GOLGA1: variants seen among roughly 807,000 people sequenced by gnomAD.
GOLGA1 encodes golgin A1, also known as golgin subfamily A member 1.
In GOLGA1, 63 loss-of-function variants were observed where a neutral mutation model predicts 119.7. The ratio of observed to expected loss-of-function variants is 0.53; its 90% CI spans 0.43 to 0.65. GOLGA1 has a LOEUF of 0.65. Among genes scored for constraint, GOLGA1 ranks in the 30% least tolerant of loss-of-function variants. The pLI is 0.00. For missense variants in GOLGA1, 798 were observed against 912.8 expected (o/e 0.87, Z 1.62); for synonymous variants, 318 against 333.4 (o/e 0.95, Z 0.50).
intron 19 of GOLGA1, among the ~76,000 whole-genome samples, chr9:124,887,779 C>A (rs974432784): frequency 6.6e-6 from 1 of 151,976 alleles, no homozygotes. Context: ...AGGGTGGGGA[C>A]CATGACATTT....
At chr9:124,895,882 ACAACAGAGACCCACCC>A (rs1314476835) in intron 15 of GOLGA1, among the ~76,000 whole-genome samples, 1 of 148,842 alleles carries the variant, frequency 6.7e-6, no homozygotes, top group African/African-American at 2.5e-5. Flanking sequence ...AGACCCACCC[ACAACAGAGACCCACCC>A]ACAACAGAGA....
chr9:124,908,460 C>T lies in GOLGA1; in HGVS notation c.982G>A (p.Glu328Lys), dbSNP rs754268503. The stretch of plus-strand genomic sequence containing the variant: ...TGTCTGGTATCCTCCAAATTCTGCT[C>T]AGCAAGTGTTTTCTGTAAGTTGAAA... ...QELLKEKTLAEQNLEDTRQQL... is the reference protein window; with the variant it reads ...QELLKEKTLAKQNLEDTRQQL... The change falls in exon 12 of 23, where the codon GAG (glutamate) becomes AAG (lysine). Residue 328 changes from glutamate to lysine, a missense_variant. Physicochemically the swap from Glu to Lys is moderately conservative, Grantham distance 56 (BLOSUM62 1). Transcript: ENST00000373555. 6.3e-7 allele frequency: 1 copy of T among 1,596,720 alleles called. No homozygotes were observed. Among genetic ancestry groups the T allele is most frequent in the South Asian group, 1.1e-5 (1 of 90,750 alleles).
At position 124,941,032 on chromosome 9, in the gene GOLGA1, G is replaced by A. The variant is rs1360866458; in HGVS notation, c.-267C>T. ...CCGGGCCTCTCGTGAGCCCCGGCCC[G>A]CGTCACCAACCCCCACCGCCCAGCC... On this transcript the variant is annotated 5_prime_UTR_variant, in exon 1 of 23. Coordinates refer to ENST00000373555, the MANE Select transcript of GOLGA1 (RefSeq NM_002077.4). 1 of 152,364 alleles carries A rather than the reference G, an allele frequency of 6.6e-6. No homozygotes were observed. Among genetic ancestry groups the A allele is most frequent in the Non-Finnish European group, 1.5e-5 (1 of 68,158 alleles). 9.4% of individuals were successfully genotyped at this position (152,364 alleles called of 1,614,324 possible).
At chr9:124,927,614 T>C (rs1410556846) in intron 6 of GOLGA1, among the ~76,000 whole-genome samples, 2 of 152,252 alleles carry the variant, frequency 1.3e-5, no homozygotes. Context: ...TCATCTATTA[T>C]TTTGAACAAA....
rs540832065 is a variant in GOLGA1 at position 124,923,257 on chromosome 9, C to T, written c.433-34G>A. 28 of 1,532,370 alleles carry T rather than the reference C, an allele frequency of 1.8e-5. No individual in the cohort carries two copies. The Middle Eastern group carries it at 5.1e-4, about 28-fold the overall frequency. The allele number at this position is 1,532,370 out of a possible 1,614,324, so 94.9% of individuals were successfully genotyped here. ...AAGAAGAAGACATCAACTCAGGCAACGAAAGCATTAGAAATCTGTATTACG... is the reference window on the plus strand; with the variant it reads ...AAGAAGAAGACATCAACTCAGGCAATGAAAGCATTAGAAATCTGTATTACG... On this transcript the variant is annotated intron_variant, in intron 7 of 22. Coordinates refer to ENST00000373555, the MANE Select transcript of GOLGA1 (RefSeq NM_002077.4).
intron 7 of GOLGA1, 76 bp from the exon 8 acceptor site, chr9:124,923,299 C>CT: frequency 7.6e-7 from 1 of 1,309,856 alleles, no homozygotes; most frequent in Admixed American, 2.3e-5. Flanking sequence ...AAAATCTTTT[C>CT]TTTTTTAAAA....
chr9:124,925,066 C>A (rs1421210213), intron 7 of GOLGA1, among the ~76,000 whole-genome samples: 1 of 148,124 alleles, frequency 6.8e-6, no homozygotes, highest in Non-Finnish European at 1.5e-5. Flanking sequence ...GGCGACAGAG[C>A]AAGACTCCGT....
At chr9:124,905,078 G>A (rs1487836819) in intron 12 of GOLGA1, among the ~76,000 whole-genome samples, 2 of 151,116 alleles carry the variant, frequency 1.3e-5, no homozygotes, top group Non-Finnish European at 3.0e-5. Context: ...CCTGGGAGGC[G>A]GAGGTTGTGG....
intron 15 of GOLGA1, among the ~76,000 whole-genome samples, chr9:124,895,150 T>TCTCCACAACAGAGACC (rs1416662337): frequency 2.2e-5 from 2 of 92,762 alleles, no homozygotes; most frequent in Non-Finnish European, 4.3e-5. Flanking sequence ...CACAACAGAC[T>TCTCCACAACAGAGACC]CTCCACAACA....
chr9:124,923,187 T>C lies in GOLGA1; in HGVS notation c.469A>G (p.Lys157Glu). 6.3e-7 allele frequency: 1 copy of C among 1,599,422 alleles called. No individual in the cohort carries two copies. The highest frequency in any genetic ancestry group is 8.6e-7 in the Non-Finnish European group (1 of 1,167,856). Residue 157 changes from lysine (K) to glutamate (E), a missense_variant, in exon 8 of 23, where the codon AAG (lysine) becomes GAG (glutamate). By Grantham distance (56) the Lys-to-Glu change is moderately conservative. Coordinates refer to ENST00000373555, the MANE Select transcript of GOLGA1 (RefSeq NM_002077.4). ...TGGAAAAGATTCATACTCTGGTTCT[T>C]CATTTCCTGTAACTGGGCTGTCAGA... ...NILTAQLQEM[K>E]NQSMNLFQRR...
chr9:124,908,861 G>A (rs7041762), intron 11 of GOLGA1, among the ~76,000 whole-genome samples: 87,677 of 152,122 alleles, frequency 0.58, 25,741 homozygotes, highest in South Asian at 0.58. Context: ...AGCCTGCTAC[G>A]TTGAGGGAAC....
At chr9:124,924,308 AC>A (rs1830628971) in intron 7 of GOLGA1, among the ~76,000 whole-genome samples, 1 of 152,296 alleles carries the variant, frequency 6.6e-6, no homozygotes, top group East Asian at 1.9e-4. Context: ...AAAAAATTAG[AC>A]ATGACTGGTG....
At chr9:124,947,871 G>A (rs1280607117) in intron 1 of GOLGA1, 1 of 152,166 alleles carries the variant, frequency 6.6e-6, no homozygotes, top group East Asian at 1.9e-4. Context: ...AGGGTGGGGA[G>A]GTGGTTTTGA....
intron 19 of GOLGA1, among the ~76,000 whole-genome samples, chr9:124,885,112 A>G (rs1051871828): frequency 2.6e-5 from 4 of 152,178 alleles, no homozygotes; most frequent in African/African-American, 7.2e-5. Context: ...GCAGATCACG[A>G]GGTCAAGAGA....
Position 124,923,194 on chromosome 9 carries a change from C to T in GOLGA1, c.462G>A (p.Gln154=), listed in dbSNP as rs1234778789. 2 of 1,599,194 alleles carry T rather than the reference C, an allele frequency of 1.3e-6. No homozygotes were observed. The highest frequency in any genetic ancestry group is 1.7e-6 in the Non-Finnish European group (2 of 1,168,288). ...GATTCATACTCTGGTTCTTCATTTC[C>T]TGTAACTGGGCTGTCAGAATATTTT... The part of the protein sequence containing the change: ...KEKNILTAQL[Q]EMKNQSMNLF... The change falls in exon 8 of 23, where the codon CAG becomes CAA. Residue 154 remains glutamine, a synonymous_variant. Coordinates refer to ENST00000373555, the MANE Select transcript of GOLGA1 (RefSeq NM_002077.4).
At chr9:124,885,397 A>C (rs1221889223) in intron 19 of GOLGA1, among the ~76,000 whole-genome samples, 1 of 151,518 alleles carries the variant, frequency 6.6e-6, no homozygotes, top group African/African-American at 2.4e-5. Flanking sequence ...AGGCAACAGA[A>C]TCGCTTGCAC....
chr9:124,899,402 T>C lies in GOLGA1; in HGVS notation c.1238A>G (p.Gln413Arg). ...ALEQQFLERT[Q>R]ALEAQIVALE... ...GGCCACTATCTGGGCTTCTAGCGCC[T>C]GGGTGCGCTCCAAGAACTGCTGCTC... Residue 413 changes from glutamine (Q) to arginine (R), a missense_variant, in exon 14 of 23, where the codon CAG (glutamine) becomes CGG (arginine). Physicochemically the swap from Gln to Arg is conservative, Grantham distance 43. Transcript: ENST00000373555. The C allele has an allele frequency of 6.5e-7, 1 of 1,549,052 alleles. No individual in the cohort carries two copies. Among genetic ancestry groups the C allele is most frequent in the South Asian group, 1.2e-5 (1 of 84,090 alleles).
At position 124,899,439 on chromosome 9, in the gene GOLGA1, C is replaced by T. The variant is rs1295595626; in HGVS notation, c.1201G>A (p.Ala401Thr). ...NQESSHVQQQ[A>T]LALEQQFLER... The stretch of plus-strand genomic sequence containing the variant: ...AAGAACTGCTGCTCCAGAGCAAGGG[C>T]CTGCTGCTGCACATGGCTGCTCTCC... The change falls in exon 14 of 23, where the codon GCC becomes ACC. Residue 401 changes from alanine (A) to threonine (T), a missense_variant. Transcript: ENST00000373555. The T allele has an allele frequency of 6.5e-7, 1 of 1,547,984 alleles. No individual in the cohort carries two copies. Among genetic ancestry groups the T allele is most frequent in the South Asian group, 1.2e-5 (1 of 84,176 alleles).
At chr9:124,886,990 G>C (rs1829737948) in intron 19 of GOLGA1, among the ~76,000 whole-genome samples, 2 of 152,198 alleles carry the variant, frequency 1.3e-5, no homozygotes, top group African/African-American at 4.8e-5. Flanking sequence ...TCTCCAGCCA[G>C]GTCTGCCTCC....
Sources: gnomAD v4.1 joint callset for allele counts (sites outside exome capture counted in the v4.1 genomes callset) on GRCh38, gnomAD v4.1.1 for gene constraint, MANE v1.5 for transcripts, NCBI Gene and HGNC (gene_info 2026-07-23, HGNC 2026-07-21) for gene names.